The following KRT4 variants were observed in gnomAD, a reference collection of about 807,000 sequenced individuals.
The protein encoded by KRT4 is keratin, type II cytoskeletal 4.
Under a neutral mutation model 50.6 loss-of-function variants are expected in KRT4, and 47 were observed. The ratio of observed to expected loss-of-function variants is 0.93; its 90% CI spans 0.73 to 1.18. The LOEUF is 1.18. Ranked by LOEUF, KRT4 falls within the 50% of genes most tolerant of loss-of-function variation. KRT4 has a pLI of 0.00. For synonymous variants in KRT4, 254 were observed against 251.2 expected (o/e 1.01, Z -0.10); for missense variants, 651 against 645.7 (o/e 1.01, Z -0.09).
rs1185385018 is a variant in KRT4, at chr12:52,807,044, G to A, written c.*25C>T. ...CCAGTGCTGGGCCCAGCTGGACACA[G>A]TGAGCTGCAGGGACCTCGTCTCCTC... is the stretch of plus-strand genomic sequence containing the variant. On this transcript the variant is annotated 3_prime_UTR_variant, in exon 9 of 9. Transcript: ENST00000551956. 1.9e-6 allele frequency: 3 copies of A among 1,612,624 alleles called. No individual in the cohort carries two copies. Among genetic ancestry groups the A allele is most frequent in the Admixed American group, 1.7e-5 (1 of 60,004 alleles).
rs7952923 is a variant in KRT4, at chr12:52,807,344, G to A, written c.1381+15C>T. Reference sequence around the variant, plus strand: ...GGGTGAATGAACAACTACAGCAGGCGTGGAAGGTACTTACAGATGCTCACG... The same window carrying A: ...GGGTGAATGAACAACTACAGCAGGCATGGAAGGTACTTACAGATGCTCACG... On this transcript the variant is annotated intron_variant, in intron 8 of 8. Transcript: ENST00000551956. 6.2e-3 allele frequency: 9,978 copies of A among 1,614,120 alleles called. 419 individuals are homozygous for A. The African/African-American group carries it at 0.11, about 17-fold the overall frequency.
chr12:52,809,548 C>T (rs984914094), intron 3 of KRT4, 70 bp from the exon 4 acceptor site: 1 of 1,069,098 alleles, frequency 9.4e-7, no homozygotes, highest in South Asian at 1.2e-5. Flanking sequence ...TACTAAGTGA[C>T]ACCGACAGGT....
At chr12:52,809,292 G>C in intron 4 of KRT4, 91 bp downstream of exon 4, 1 of 951,374 alleles carries the variant, frequency 1.1e-6, no homozygotes, top group Non-Finnish European at 1.7e-6. Flanking sequence ...AAGGGAGCTG[G>C]AGTCCTTTCA....
chr12:52,813,826 C>G lies in KRT4; in HGVS notation c.233G>C (p.Gly78Ala), dbSNP rs2121257837. Reference sequence around the variant, plus strand: ...ACCAAAGCCACCAGTGCCAAAGCCTCCAGCACCCCCAAAGCAGGCACCTTG... The same window carrying G: ...ACCAAAGCCACCAGTGCCAAAGCCTGCAGCACCCCCAAAGCAGGCACCTTG... ...SRQGACFGGA[G>A]GFGTGGFGGG... Residue 78 changes from glycine (G) to alanine (A), a missense_variant, in exon 1 of 9, where the codon GGA (glycine) becomes GCA (alanine). Coordinates refer to ENST00000551956, the MANE Select transcript of KRT4 (RefSeq NM_002272.4). 1.5e-6 allele frequency: 1 copy of G among 683,508 alleles called. No individual in the cohort carries two copies. The highest frequency in any genetic ancestry group is 5.8e-5 in the East Asian group (1 of 17,296). The allele number at this position is 683,508 out of a possible 1,614,324, so 42.3% of individuals were successfully genotyped here. A position where few individuals can be genotyped will look rare whatever the true frequency, so the allele number is the denominator to read the frequency against.
chr12:52,813,530 T>A, intron 1 of KRT4, 67 bp downstream of exon 1: 1 of 1,415,904 alleles, frequency 7.1e-7, no homozygotes, highest in Non-Finnish European at 1.0e-6. Flanking sequence ...CAGGCTCAGG[T>A]CTGAGACCCC....
intron 6 of KRT4, 60 bp from the exon 7 acceptor site, chr12:52,807,924 C>T: frequency 2.1e-6 from 3 of 1,429,286 alleles, no homozygotes; most frequent in East Asian, 2.3e-5. Flanking sequence ...GCCTCTACAC[C>T]TGTCCCCTCC....
Position 52,811,948 on chromosome 12 carries a change from G to A in KRT4, c.492C>T (p.Val164=), listed in dbSNP as rs759212104. 5.1e-5 allele frequency: 83 copies of A among 1,613,748 alleles called. 2 individuals are homozygous for A. The South Asian group carries it at 8.2e-4, about 16-fold the overall frequency. ...KVQFLEQQNK[V]LETKWNLLQQ... ...GGAGCAGGTTCCATTTGGTCTCCAGGACCTTATTCTGTTGCTCTAAGAACT... is the reference window on the plus strand; with the variant it reads ...GGAGCAGGTTCCATTTGGTCTCCAGAACCTTATTCTGTTGCTCTAAGAACT... Residue 164 remains valine, a synonymous_variant, in exon 2 of 9, where the codon GTC becomes GTT. Coordinates refer to ENST00000551956, the MANE Select transcript of KRT4 (RefSeq NM_002272.4).
At chr12:52,809,094 G>C in intron 4 of KRT4, 2 of 630,952 alleles carry the variant, frequency 3.2e-6, no homozygotes, top group Admixed American at 2.4e-5. Context: ...GAATGGAAGG[G>C]AAGGGAATGG....
intron 4 of KRT4, chr12:52,809,106 T>A (rs767974172): frequency 3.2e-6 from 2 of 623,406 alleles, no homozygotes; most frequent in Non-Finnish European, 5.7e-6. Context: ...AGGGAATGGA[T>A]CCATTTCACC....
Position 52,813,697 on chromosome 12 carries a change from G to T in KRT4, c.362C>A (p.Pro121His), listed in dbSNP as rs757780016. The T allele has an allele frequency of 1.0e-5, 15 of 1,431,488 alleles. No homozygotes were observed. In the African/African-American group the frequency reaches 1.2e-4, roughly 11 times the overall value. The allele number at this position is 1,431,488 out of a possible 1,614,324, so 88.7% of individuals were successfully genotyped here. A position where few individuals can be genotyped will look rare whatever the true frequency, so the allele number is the denominator to read the frequency against. Residue 121 changes from proline (P) to histidine (H), a missense_variant, in exon 1 of 9, where the codon CCC becomes CAC. Transcript: ENST00000551956. ...CTCAGGGTCAATCTCCACGTGGAGG[G>T]GGGTGAGCAAGCTCTGGTTGATGGT... ...EVTINQSLLT[P>H]LHVEIDPEIQ... is the part of the protein sequence containing the mutation.
In KRT4 at chr12:52,807,842, A is replaced by AC; in HGVS notation, c.1147dup (p.Val383GlyfsTer3). Reference sequence around the variant, plus strand: ...CTCACCTCGCTGCTCTGCATCAGCCACGGATACCTGAAGAGTCTGGCACTA... The same window carrying AC: ...CTCACCTCGCTGCTCTGCATCAGCCACCGGATACCTGAAGAGTCTGGCACTA... On this transcript the variant is annotated frameshift_variant, in exon 7 of 9. Transcript: ENST00000551956. LOFTEE classifies it high-confidence loss of function. 1 of 1,614,010 alleles carries AC rather than the reference A, an allele frequency of 6.2e-7. No individual in the cohort carries two copies. Among genetic ancestry groups the AC allele is most frequent in the East Asian group, 2.2e-5 (1 of 44,882 alleles).
At chr12:52,809,007 G>T in intron 4 of KRT4, 157 bp from the exon 5 acceptor site, 1 of 811,032 alleles carries the variant, frequency 1.2e-6, no homozygotes, top group Non-Finnish European at 2.1e-6. Flanking sequence ...AGTTCAGGAT[G>T]GAAGAGCAAT....
At position 52,808,274 on chromosome 12, in the gene KRT4, T is replaced by C. The variant is rs754106500; in HGVS notation, c.1125+20A>G. 6 of 1,614,082 alleles carry C rather than the reference T, an allele frequency of 3.7e-6. No individual in the cohort carries two copies. The South Asian group carries it at 5.5e-5, about 15-fold the overall frequency. ...GAGGCCCCTGGCCTTGTGCTCCATC[T>C]GGAAGGGAGTGACACCCACCTGCTT... On this transcript the variant is annotated intron_variant, in intron 6 of 8. Transcript: ENST00000551956.
chr12:52,812,076 C>T (rs1939923440), intron 1 of KRT4, 99 bp from the exon 2 acceptor site: 8 of 961,158 alleles, frequency 8.3e-6, no homozygotes, highest in South Asian at 2.8e-5. Flanking sequence ...GGGAACTACA[C>T]GGCCCAAGAA....
At position 52,813,032 on chromosome 12, in the gene KRT4, G is replaced by C. The variant is rs143326252; in HGVS notation, c.462+565C>G. On this transcript the variant is annotated intron_variant, in intron 1 of 8. Coordinates refer to ENST00000551956, the MANE Select transcript of KRT4 (RefSeq NM_002272.4). ...TTCTAGACGTTGCATGAAAAAGGAA[G>C]TTGGGCTACAAAAAGAAAAGAGACC... 4.2e-3 allele frequency among the ~76,000 whole-genome samples: 635 copies of C among 152,276 alleles called. 6 individuals are homozygous for C. Among genetic ancestry groups the C allele is most frequent in the African/African-American group, 0.015 (603 of 41,556 alleles).
intron 1 of KRT4, 116 bp downstream of exon 1, chr12:52,813,481 G>T: frequency 2.3e-6 from 2 of 881,916 alleles, no homozygotes; most frequent in Non-Finnish European, 3.8e-6. Context: ...TGGAGAATTG[G>T]GGCCCAGGGA....
At position 52,809,431 on chromosome 12, in the gene KRT4, C is replaced by T. The variant is rs766726660; in HGVS notation, c.786G>A (p.Val262=). 1.2e-6 allele frequency: 2 copies of T among 1,614,124 alleles called. No homozygotes were observed. The highest frequency in any genetic ancestry group is 1.7e-6 in the Non-Finnish European group (2 of 1,179,982). Residue 262 remains valine, a synonymous_variant, in exon 4 of 9, where the codon GTG becomes GTA. Transcript: ENST00000551956. ...AGTTGATCTCGTCATTAAGACTGTCCACCTTGGCCTCCAACTCCACCTTGT... is the reference window on the plus strand; with the variant it reads ...AGTTGATCTCGTCATTAAGACTGTCTACCTTGGCCTCCAACTCCACCTTGT... The part of the protein sequence containing the change: ...YLNKVELEAK[V]DSLNDEINFL...
rs1421738128 is a variant in KRT4, at chr12:52,814,026, C to T, written c.33G>A (p.Gly11=). ...CCGAGCCACAGCTGAAGCCCCGGGG[C>T]CCGCCTCGGACACACTGCTGTCTGG... The part of the protein sequence containing the change: MIARQQCVRG[G]PRGFSCGSAI... Residue 11 remains glycine, a synonymous_variant, in exon 1 of 9, where the codon GGG becomes GGA. Coordinates refer to ENST00000551956, the MANE Select transcript of KRT4 (RefSeq NM_002272.4). 6.2e-7 allele frequency: 1 copy of T among 1,614,004 alleles called. No homozygotes were observed. The highest frequency in any genetic ancestry group is 2.2e-5 in the East Asian group (1 of 44,874).
In KRT4 at chr12:52,812,925, T is replaced by C. The variant is rs1565685406; in HGVS notation, c.462+672A>G. Among the ~76,000 whole-genome samples, 3 of 152,204 alleles carry C rather than the reference T, an allele frequency of 2.0e-5. No individual in the cohort carries two copies. In the South Asian group the frequency reaches 6.2e-4, roughly 32 times the overall value. On this transcript the variant is annotated intron_variant, in intron 1 of 8. Coordinates refer to ENST00000551956, the MANE Select transcript of KRT4 (RefSeq NM_002272.4). ...CACTCATCCACCCAGTCATCAATCT[T>C]TGGATGACTCGGCTCTCTGGGGCTG...
Sources: allele counts gnomAD v4.1 joint callset (sites outside exome capture counted in the v4.1 genomes callset), GRCh38; gene constraint gnomAD v4.1.1; transcripts MANE v1.5; gene names NCBI Gene and HGNC (gene_info 2026-07-23, HGNC 2026-07-21).